Variants in SUGCT observed in about 807,000 individuals in gnomAD.
SUGCT encodes the protein succinyl-CoA:glutarate CoA-transferase.
Under a neutral mutation model 55.0 loss-of-function variants are expected in SUGCT, and 41 were observed. The ratio of observed to expected loss-of-function variants is 0.74; its 90% CI spans 0.58 to 0.97. SUGCT has a LOEUF of 0.97. SUGCT is among the 50% of genes least tolerant of loss of function. The probability of loss-of-function intolerance (pLI) is 0.00; values close to 1 mark genes in which losing one functional copy is unlikely to be tolerated. For missense variants in SUGCT, 568 were observed against 547.8 expected (o/e 1.04, Z -0.37); for synonymous variants, 187 against 200.4 (o/e 0.93, Z 0.56).
chr7:40,829,054 A>T (rs1402384967), intron 13 of SUGCT, among the ~76,000 whole-genome samples: 1 of 151,990 alleles, frequency 6.6e-6, no homozygotes, highest in African/African-American at 2.4e-5. Flanking sequence ...AACAAAAGTG[A>T]CCCTCTTGCC....
At chr7:40,334,829 T>C (rs941627842) in intron 9 of SUGCT, among the ~76,000 whole-genome samples, 1 of 152,218 alleles carries the variant, frequency 6.6e-6, no homozygotes, top group African/African-American at 2.4e-5. Context: ...TCCTTGCCCA[T>C]GCCTATGTCC....
the SUGCT span, among the ~76,000 whole-genome samples, chr7:40,939,465 C>T: frequency 2.0e-5 from 3 of 152,170 alleles, no homozygotes; most frequent in Non-Finnish European, 4.4e-5. Context: ...TTTGAGAACT[C>T]TTTATACTGT....
rs1053371200 is a variant in SUGCT at position 40,597,333 on chromosome 7, GT to G, written c.1089+100957del. ...GTTGTACAACTTCAAGTTCAGATAA[GT>G]TTTTTTTTTCCTAGAATCTTTCAGA... On this transcript the variant is annotated intron_variant, in intron 12 of 13. Transcript: ENST00000335693. Among the ~76,000 whole-genome samples, 235 of 150,208 alleles carry G rather than the reference GT, an allele frequency of 1.6e-3. 1 individual carries two copies. Among genetic ancestry groups the G allele is most frequent in the African/African-American group, 5.2e-3 (214 of 40,982 alleles).
intron 12 of SUGCT, among the ~76,000 whole-genome samples, chr7:40,566,748 A>G (rs1000310405): frequency 1.2e-4 from 18 of 152,216 alleles, no homozygotes; most frequent in African/African-American, 3.1e-4. Flanking sequence ...TCAAAATGTG[A>G]TTATTGCTCA....
chr7:40,938,079 T>C, the SUGCT span, among the ~76,000 whole-genome samples: 1 of 152,218 alleles, frequency 6.6e-6, no homozygotes, highest in East Asian at 1.9e-4. Context: ...CACTCACTGC[T>C]CACCTCCTGC....
chr7:40,716,517 T>C (rs1334064081), intron 12 of SUGCT, among the ~76,000 whole-genome samples: 1 of 152,208 alleles, frequency 6.6e-6, no homozygotes, highest in African/African-American at 2.4e-5. Context: ...TTTAAAGGGA[T>C]TAGTAATATT....
chr7:40,828,642 A>C (rs1009684110), intron 13 of SUGCT, among the ~76,000 whole-genome samples: 3 of 152,134 alleles, frequency 2.0e-5, no homozygotes, highest in Non-Finnish European at 4.4e-5. Flanking sequence ...AGAATACAAA[A>C]ATTTACCCTT....
At chr7:40,368,666 C>G (rs919848848) in intron 9 of SUGCT, among the ~76,000 whole-genome samples, 2 of 152,132 alleles carry the variant, frequency 1.3e-5, no homozygotes, top group African/African-American at 4.8e-5. Context: ...TCTAATTTAC[C>G]ACTACTCTGA....
chr7:40,293,100 T>C (rs957230530), intron 8 of SUGCT, among the ~76,000 whole-genome samples: 1 of 152,232 alleles, frequency 6.6e-6, no homozygotes, highest in Non-Finnish European at 1.5e-5. Context: ...TGAAAACTTT[T>C]TTTTTAATTG....
chr7:40,148,931 G>C (rs1399964522), intron 1 of SUGCT, among the ~76,000 whole-genome samples: 1 of 152,176 alleles, frequency 6.6e-6, no homozygotes, highest in Non-Finnish European at 1.5e-5. Flanking sequence ...GTTCAGTTCT[G>C]ATTACATTCT....
intron 1 of SUGCT, among the ~76,000 whole-genome samples, chr7:40,178,711 G>T (rs1425923732): frequency 6.6e-6 from 1 of 152,004 alleles, no homozygotes; most frequent in African/African-American, 2.4e-5. Context: ...ATGATGTCTT[G>T]GTGTGCTTGC....
chr7:40,157,259 C>T, intron 1 of SUGCT, among the ~76,000 whole-genome samples: 1 of 151,940 alleles, frequency 6.6e-6, no homozygotes, highest in South Asian at 2.1e-4. Context: ...CCTTTTCTTC[C>T]CAAGCAGAAT....
At chr7:40,169,567 A>T (rs1222049845) in intron 1 of SUGCT, among the ~76,000 whole-genome samples, 2 of 152,158 alleles carry the variant, frequency 1.3e-5, no homozygotes, top group African/African-American at 2.4e-5. Context: ...GATTCCCTTG[A>T]CATAATAGAC....
intron 7 of SUGCT, among the ~76,000 whole-genome samples, chr7:40,249,313 C>CCATATATATATATA (rs1790147901): frequency 3.8e-5 from 3 of 79,518 alleles, no homozygotes; most frequent in East Asian, 4.2e-4. Context: ...CACCAAAAAG[C>CCATATATATATATA]TATATATATA....
intron 12 of SUGCT, among the ~76,000 whole-genome samples, chr7:40,662,232 A>G (rs1394367764): frequency 6.6e-6 from 1 of 151,910 alleles, no homozygotes. Context: ...TCCTAATTCA[A>G]CTCTTTCTTA....
chr7:40,258,505 A>C (rs915732547), intron 7 of SUGCT, among the ~76,000 whole-genome samples: 12 of 152,098 alleles, frequency 7.9e-5, no homozygotes, highest in Non-Finnish European at 1.6e-4. Context: ...CAGCCTCCTG[A>C]GTAGCTGGGA....
At chr7:40,651,741 T>C (rs1302551550) in intron 12 of SUGCT, among the ~76,000 whole-genome samples, 2 of 152,284 alleles carry the variant, frequency 1.3e-5, no homozygotes, top group South Asian at 2.1e-4. Flanking sequence ...GGTTTTATCA[T>C]CTGTAGCTCT....
intron 9 of SUGCT, among the ~76,000 whole-genome samples, chr7:40,366,572 AAAAC>A (rs1392508402): frequency 3.3e-5 from 5 of 152,200 alleles, no homozygotes; most frequent in Admixed American, 6.5e-5. Context: ...TTACAAGAAA[AAAAC>A]AAACAATCCC....
intron 9 of SUGCT, among the ~76,000 whole-genome samples, chr7:40,445,044 T>C (rs910202936): frequency 1.3e-5 from 2 of 152,174 alleles, no homozygotes; most frequent in Non-Finnish European, 2.9e-5. Context: ...TTGCATATGT[T>C]GAACCAGCCT....
Sources: allele counts gnomAD v4.1 joint callset (sites outside exome capture counted in the v4.1 genomes callset), GRCh38; gene constraint gnomAD v4.1.1; transcripts MANE v1.5; gene names NCBI Gene and HGNC (gene_info 2026-07-23, HGNC 2026-07-21).